Variants in ATRNL1 observed in about 807,000 individuals in gnomAD.
The protein encoded by ATRNL1 is attractin-like protein 1.
ATRNL1 carries 95 observed loss-of-function variants against 182.7 expected under a neutral mutation model. The observed-to-expected ratio is 0.52, with a 90% CI of 0.44 to 0.62. ATRNL1 has a LOEUF of 0.62. Among genes scored for constraint, ATRNL1 ranks in the 20% least tolerant of loss-of-function variants. ATRNL1 has a pLI of 0.00. For synonymous variants in ATRNL1, 576 were observed against 568.3 expected, an observed-to-expected ratio of 1.01 and a Z score of -0.19; for missense variants, 1,471 against 1,679.5, an observed-to-expected ratio of 0.88 and a Z score of 2.17.
At chr10:115,753,233 T>G (rs1260887746) in intron 27 of ATRNL1, among the ~76,000 whole-genome samples, 1 of 152,118 alleles carries the variant, frequency 6.6e-6, no homozygotes, top group Non-Finnish European at 1.5e-5. Context: ...GGTGCAGGTT[T>G]GTTACATAGG....
Position 115,596,619 on chromosome 10 carries a change from A to C in ATRNL1, c.3795+47083A>C, listed in dbSNP as rs11819726. ...TAGGGAAAATGGGCAAATGTCAGTG[A>C]GCTGAAGGGCGTGTTTAGTTGGAAC... On this transcript the variant is annotated intron_variant, in intron 26 of 28. Transcript: ENST00000355044. Among the ~76,000 whole-genome samples, 699 of 152,252 alleles carry C rather than the reference A, an allele frequency of 4.6e-3. 4 individuals are homozygous for C. Among genetic ancestry groups the C allele is most frequent in the African/African-American group, 0.016 (669 of 41,554 alleles).
chr10:115,715,803 C>T (rs1184028713), intron 26 of ATRNL1, among the ~76,000 whole-genome samples: 1 of 152,158 alleles, frequency 6.6e-6, no homozygotes, highest in Non-Finnish European at 1.5e-5. Flanking sequence ...TCAAAGTTCA[C>T]GTCAAGGTAT....
chr10:115,640,758 A>G (rs561597753), intron 26 of ATRNL1, among the ~76,000 whole-genome samples: 1 of 152,300 alleles, frequency 6.6e-6, no homozygotes, highest in East Asian at 1.9e-4. Flanking sequence ...TTTGCTGTGC[A>G]GAAGCTCTTT....
At chr10:115,612,113 G>A (rs1776297604) in intron 26 of ATRNL1, among the ~76,000 whole-genome samples, 1 of 152,028 alleles carries the variant, frequency 6.6e-6, no homozygotes, top group Non-Finnish European at 1.5e-5. Context: ...TTAACCGGGT[G>A]TTGTGGCGGA....
intron 26 of ATRNL1, among the ~76,000 whole-genome samples, chr10:115,696,433 G>A (rs1250294754): frequency 6.6e-6 from 1 of 152,096 alleles, no homozygotes; most frequent in Non-Finnish European, 1.5e-5. Flanking sequence ...TCGTGCCACT[G>A]CACTCCAGCC....
At chr10:115,881,392 A>G (rs1195254788) in intron 28 of ATRNL1, among the ~76,000 whole-genome samples, 1 of 152,302 alleles carries the variant, frequency 6.6e-6, no homozygotes, top group South Asian at 2.1e-4. Flanking sequence ...CAGCGCCCCT[A>G]TGGATTGCTT....
chr10:115,317,094 A>G (rs1554929926), intron 18 of ATRNL1, among the ~76,000 whole-genome samples: 2 of 152,136 alleles, frequency 1.3e-5, no homozygotes, highest in Non-Finnish European at 2.9e-5. Flanking sequence ...ATTTTTATAT[A>G]AGGTGTAAGG....
At chr10:115,480,840 T>A (rs1848731106) in intron 24 of ATRNL1, among the ~76,000 whole-genome samples, 1 of 151,088 alleles carries the variant, frequency 6.6e-6, no homozygotes, top group Non-Finnish European at 1.5e-5. Flanking sequence ...AAAATGCTCT[T>A]ATCTAATCCC....
At chr10:115,231,930 A>AG (rs1849970049) in intron 9 of ATRNL1, among the ~76,000 whole-genome samples, 1 of 152,152 alleles carries the variant, frequency 6.6e-6, no homozygotes, top group South Asian at 2.1e-4. Flanking sequence ...TGAATGAGTT[A>AG]GGGAAGTGTA....
intron 26 of ATRNL1, among the ~76,000 whole-genome samples, chr10:115,661,647 C>G (rs1301899992): frequency 2.6e-5 from 4 of 151,980 alleles, no homozygotes; most frequent in African/African-American, 9.7e-5. Context: ...TTAGATTAGG[C>G]TATATACCAG....
At chr10:115,850,413 T>C (rs1555100189) in intron 28 of ATRNL1, among the ~76,000 whole-genome samples, 3 of 152,144 alleles carry the variant, frequency 2.0e-5, no homozygotes, top group Non-Finnish European at 4.4e-5. Flanking sequence ...GACACCAATA[T>C]ATGAACTAAG....
intron 8 of ATRNL1, among the ~76,000 whole-genome samples, chr10:115,196,971 T>C (rs1268887573): frequency 6.6e-6 from 1 of 152,172 alleles, no homozygotes; most frequent in Non-Finnish European, 1.5e-5. Context: ...TTCCTGCCTT[T>C]TCCCTTATTT....
intron 15 of ATRNL1, among the ~76,000 whole-genome samples, chr10:115,295,026 A>G (rs2133960990): frequency 6.6e-6 from 1 of 151,986 alleles, no homozygotes; most frequent in South Asian, 2.1e-4. Flanking sequence ...TAGGACTGTC[A>G]CTCTTGGAGC....
Position 115,582,298 on chromosome 10 carries a change from T to C in ATRNL1, c.3795+32762T>C, listed in dbSNP as rs1379479349. Among the ~76,000 whole-genome samples, 4 of 148,014 alleles carry C rather than the reference T, an allele frequency of 2.7e-5. No individual in the cohort carries two copies. The South Asian group carries it at 6.8e-4, about 25-fold the overall frequency. On this transcript the variant is annotated intron_variant, in intron 26 of 28. Coordinates refer to ENST00000355044, the MANE Select transcript of ATRNL1 (RefSeq NM_207303.4). ...CTGGGTCAAATGGTATTTCTAGTTC[T>C]AGATCCCTGAGGAATCGCCACACTG... is the stretch of plus-strand genomic sequence containing the variant.
intron 28 of ATRNL1, among the ~76,000 whole-genome samples, chr10:115,850,230 T>G (rs144521523): frequency 6.6e-6 from 1 of 152,172 alleles, no homozygotes; most frequent in African/African-American, 2.4e-5. Flanking sequence ...GGAATACTGA[T>G]ATTCATTATA....
At chr10:115,729,607 A>G (rs1290882042) in intron 27 of ATRNL1, among the ~76,000 whole-genome samples, 2 of 151,332 alleles carry the variant, frequency 1.3e-5, no homozygotes, top group Non-Finnish European at 2.9e-5. Context: ...CATCTACTAA[A>G]CAGAATATTG....
chr10:115,369,840 C>T (rs1032021800), intron 19 of ATRNL1, among the ~76,000 whole-genome samples: 1 of 152,126 alleles, frequency 6.6e-6, no homozygotes, highest in Non-Finnish European at 1.5e-5. Flanking sequence ...TGTGGAATAT[C>T]TTTTCCTATA....
In ATRNL1 at chr10:115,351,091, A is replaced by C; in HGVS notation, c.3175+16672A>C. On this transcript the variant is annotated intron_variant, in intron 19 of 28. Coordinates refer to ENST00000355044, the MANE Select transcript of ATRNL1 (RefSeq NM_207303.4). The stretch of plus-strand genomic sequence containing the variant: ...GAAATGCTACTGAATTTATATGTCA[A>C]TTTTGTATCCTGCAGGTCTACTGAA... 1.3e-5 allele frequency among the ~76,000 whole-genome samples: 2 copies of C among 152,112 alleles called. 1 individual carries two copies. The highest frequency in any genetic ancestry group is 1.3e-4 in the Admixed American group (2 of 15,270).
intron 24 of ATRNL1, among the ~76,000 whole-genome samples, chr10:115,470,943 T>G (rs1848281728): frequency 6.6e-6 from 1 of 150,704 alleles, no homozygotes. Context: ...CACAGTAAAA[T>G]TATTTTAATT....
Sources: gnomAD v4.1 joint callset for allele counts (sites outside exome capture counted in the v4.1 genomes callset) on GRCh38, gnomAD v4.1.1 for gene constraint, MANE v1.5 for transcripts, NCBI Gene and HGNC (gene_info 2026-07-23, HGNC 2026-07-21) for gene names.